MYH10: variants seen among roughly 807,000 people sequenced by gnomAD.
The protein encoded by MYH10 is myosin heavy chain 10.
MYH10 carries 55 observed loss-of-function variants against 257.8 expected under a neutral mutation model. The observed-to-expected ratio is 0.21, with a 90% CI of 0.17 to 0.27. MYH10 has a LOEUF of 0.27. Ranked by LOEUF, MYH10 falls within the 10% of genes least tolerant of loss-of-function variation. MYH10 has a pLI of 1.00. For synonymous variants in MYH10, 854 were observed against 921.7 expected (o/e 0.93, Z 1.33); for missense variants, 1,631 against 2,500.6 (o/e 0.65, Z 7.42).
At chr17:8,584,311 T>C (rs946980551) in intron 4 of MYH10, among the ~76,000 whole-genome samples, 8 of 152,096 alleles carry the variant, frequency 5.3e-5, no homozygotes, top group South Asian at 2.1e-4. Flanking sequence ...ACAGAATAAA[T>C]GACTGAAAAA....
chr17:8,606,192 C>T lies in MYH10; in HGVS notation c.346-1210G>A, dbSNP rs370950123. ...AAATACAAACTTTTCCTGATCAATA[C>T]TATCAATTACACAGAATTGACCCTA... On this transcript the variant is annotated intron_variant, in intron 2 of 42. Coordinates refer to ENST00000360416, the MANE Select transcript of MYH10 (RefSeq NM_001256012.3). Among the ~76,000 whole-genome samples the T allele has an allele frequency of 3.7e-5, 5 of 135,832 alleles. No individual in the cohort carries two copies. In the East Asian group the frequency reaches 8.2e-4, roughly 22 times the overall value. 89.1% of individuals were successfully genotyped at this position (135,832 alleles called of 152,430 possible).
At chr17:8,606,812 T>C (rs1320403323) in intron 2 of MYH10, among the ~76,000 whole-genome samples, 1 of 152,188 alleles carries the variant, frequency 6.6e-6, no homozygotes, top group African/African-American at 2.4e-5. Context: ...GACCAGGAGG[T>C]TATCTGTTCG....
At chr17:8,615,447 A>G (rs2085219542) in intron 2 of MYH10, among the ~76,000 whole-genome samples, 1 of 152,228 alleles carries the variant, frequency 6.6e-6, no homozygotes. Context: ...TTCATTTGAT[A>G]TAACCAGCAT....
At position 8,506,893 on chromosome 17, in the gene MYH10, C is replaced by T. The variant is rs2081091252; in HGVS notation, c.3215-404G>A. ...CCCATTCCCTTTTCCATGGGAACCCCTGTTCTGAACCAAGAAAACTGCCAT... is the reference window on the plus strand; with the variant it reads ...CCCATTCCCTTTTCCATGGGAACCCTTGTTCTGAACCAAGAAAACTGCCAT... On this transcript the variant is annotated intron_variant, in intron 26 of 42. Transcript: ENST00000360416. The surrounding 1 kb of genome is among the most constrained non-coding windows in gnomAD (Gnocchi z 5.0). Among the ~76,000 whole-genome samples the T allele has an allele frequency of 1.3e-5, 2 of 152,236 alleles. No individual in the cohort carries two copies. Among genetic ancestry groups the T allele is most frequent in the African/African-American group, 4.8e-5 (2 of 41,470 alleles).
intron 30 of MYH10, among the ~76,000 whole-genome samples, chr17:8,497,875 G>C (rs976148647): frequency 6.7e-6 from 1 of 150,116 alleles, no homozygotes; most frequent in Non-Finnish European, 1.5e-5. Flanking sequence ...AAAACATACA[G>C]TGTAACAACT....
At chr17:8,542,454 CCTCT>C (rs1448266099) in intron 13 of MYH10, among the ~76,000 whole-genome samples, 174 bp from the exon 14 acceptor site, 1 of 152,100 alleles carries the variant, frequency 6.6e-6, no homozygotes, top group Admixed American at 6.5e-5. Flanking sequence ...TCTCCCAATC[CCTCT>C]CTCACACACA....
intron 28 of MYH10, among the ~76,000 whole-genome samples, chr17:8,501,527 C>T (rs1917496291): frequency 6.6e-6 from 1 of 152,146 alleles, no homozygotes; most frequent in African/African-American, 2.4e-5. Context: ...GTGACAAAGG[C>T]CAAATGAATC....
intron 30 of MYH10, among the ~76,000 whole-genome samples, chr17:8,498,621 G>A (rs183638007): frequency 1.3e-5 from 2 of 152,144 alleles, no homozygotes; most frequent in Admixed American, 1.3e-4. Flanking sequence ...GCTGAGGGGG[G>A]CGGATCACGA....
At chr17:8,546,404 A>G (rs1597793979) in intron 12 of MYH10, 140 bp downstream of exon 12, 1 of 640,010 alleles carries the variant, frequency 1.6e-6, no homozygotes, top group East Asian at 3.0e-5. Flanking sequence ...TACTTAAAAA[A>G]AAAAAACTCA....
At chr17:8,534,300 TC>T (rs1177156375) in intron 16 of MYH10, among the ~76,000 whole-genome samples, 2 of 152,126 alleles carry the variant, frequency 1.3e-5, no homozygotes, top group African/African-American at 4.8e-5. Context: ...AGCTCGTCTT[TC>T]CCCCAGGTCC....
At chr17:8,626,578 AAATAATAATAAT>A (rs56176665) in intron 1 of MYH10, among the ~76,000 whole-genome samples, 41 of 140,182 alleles carry the variant, frequency 2.9e-4, no homozygotes, top group Middle Eastern at 7.3e-3. Flanking sequence ...AAATAATAAT[AAATAATAATAAT>A]AATAATAATA....
At chr17:8,512,691 C>G in intron 23 of MYH10, 34 bp from the exon 24 acceptor site, 2 of 1,564,290 alleles carry the variant, frequency 1.3e-6, no homozygotes, top group Middle Eastern at 1.7e-4. Flanking sequence ...TGATTTGCCC[C>G]TATTACATAC....
At chr17:8,612,037 T>C (rs2085058439) in intron 2 of MYH10, among the ~76,000 whole-genome samples, 2 of 152,234 alleles carry the variant, frequency 1.3e-5, no homozygotes, top group Non-Finnish European at 2.9e-5. Context: ...TTCATACATT[T>C]TAAATTGTGC....
chr17:8,568,744 T>C (rs1224987084), intron 7 of MYH10, among the ~76,000 whole-genome samples: 1 of 151,970 alleles, frequency 6.6e-6, no homozygotes, highest in Middle Eastern at 3.2e-3. Flanking sequence ...GTGTTGAATA[T>C]GGGTTTAGAG....
At chr17:8,513,512 G>A in intron 23 of MYH10, 26 bp downstream of exon 23, 1 of 1,612,580 alleles carries the variant, frequency 6.2e-7, no homozygotes. Flanking sequence ...AGGGCCAAGT[G>A]TGAGTTACAA....
At chr17:8,515,420 C>A (rs1460961741) in intron 21 of MYH10, among the ~76,000 whole-genome samples, 4 of 152,036 alleles carry the variant, frequency 2.6e-5, no homozygotes, top group Admixed American at 1.3e-4. Flanking sequence ...CCAACGAATT[C>A]CTCCTTGCTG....
intron 33 of MYH10, 122 bp from the exon 34 acceptor site, chr17:8,492,631 C>CTTTTTTTTTTTTTTTTTTTTTTTTCTTT: frequency 3.2e-6 from 3 of 949,304 alleles, no homozygotes; most frequent in East Asian, 2.9e-5. Context: ...CTTGTATTTC[C>CTTTTTTTTTTTTTTTTTTTTTTTTCTTT]TTTTTTTTTT....
intron 41 of MYH10, among the ~76,000 whole-genome samples, chr17:8,478,045 CAG>C (rs1356858618): frequency 6.6e-6 from 1 of 152,180 alleles, no homozygotes; most frequent in Non-Finnish European, 1.5e-5. Context: ...AGGGAGATAA[CAG>C]GGAGCAAAAC....
intron 4 of MYH10, 122 bp from the exon 5 acceptor site, chr17:8,577,460 G>A: frequency 3.9e-6 from 2 of 517,442 alleles, no homozygotes; most frequent in Non-Finnish European, 6.7e-6. Flanking sequence ...AGAATAAATA[G>A]AAAAAATAAC....
Sources: allele counts gnomAD v4.1 joint callset (sites outside exome capture counted in the v4.1 genomes callset), GRCh38; gene constraint gnomAD v4.1.1; non-coding constraint Gnocchi (gnomAD v3.1); transcripts MANE v1.5; gene names NCBI Gene and HGNC (gene_info 2026-07-23, HGNC 2026-07-21).